SIK3: variants seen among roughly 807,000 people sequenced by gnomAD.
SIK3 encodes the protein serine/threonine-protein kinase SIK3.
A neutral mutation model predicts 144.2 loss-of-function variants in SIK3; 28 were observed. The ratio of observed to expected loss-of-function variants is 0.19; its 90% CI spans 0.14 to 0.27. The LOEUF (loss-of-function observed/expected upper bound fraction) is 0.27. Ranked by LOEUF, SIK3 falls within the 10% of genes least tolerant of loss-of-function variation. The pLI is 1.00. For missense variants in SIK3, 1,319 were observed against 1,776.0 expected, an observed-to-expected ratio of 0.74 and a Z score of 4.62; for synonymous variants, 686 against 676.3, an observed-to-expected ratio of 1.01 and a Z score of -0.22.
chr11:117,075,144 T>C (rs1281043445), intron 1 of SIK3, among the ~76,000 whole-genome samples: 1 of 152,204 alleles, frequency 6.6e-6, no homozygotes, highest in African/African-American at 2.4e-5. Flanking sequence ...TCTCAAGACA[T>C]ATAAGACACA....
At chr11:117,028,038 A>T (rs1952094594) in intron 1 of SIK3, among the ~76,000 whole-genome samples, 1 of 152,202 alleles carries the variant, frequency 6.6e-6, no homozygotes, top group South Asian at 2.1e-4. Flanking sequence ...TAAAATTTGC[A>T]GAATATTTAT....
rs191903144 is a variant in SIK3, at chr11:117,032,777, A to C, written c.273+65366T>G. The stretch of plus-strand genomic sequence containing the variant: ...ATCTGAGTAGTATTTTATTGTATGA[A>C]TATACCACCATTTATTTATCTGTTG... On this transcript the variant is annotated intron_variant, in intron 1 of 24. Coordinates refer to ENST00000445177, the MANE Select transcript of SIK3 (RefSeq NM_001366686.3). Among the ~76,000 whole-genome samples, 463 of 151,962 alleles carry C rather than the reference A, an allele frequency of 3.0e-3. 2 individuals carry two copies. Among genetic ancestry groups the C allele is most frequent in the African/African-American group, 0.011 (442 of 41,466 alleles).
At chr11:117,027,588 G>A (rs564161486) in intron 1 of SIK3, among the ~76,000 whole-genome samples, 18 of 152,022 alleles carry the variant, frequency 1.2e-4, no homozygotes, top group East Asian at 1.9e-4. Flanking sequence ...TCAGCCTCCC[G>A]AGTAGCTGGG....
At chr11:116,949,124 T>C (rs545051340) in intron 3 of SIK3, among the ~76,000 whole-genome samples, 1 of 152,256 alleles carries the variant, frequency 6.6e-6, no homozygotes, top group African/African-American at 2.4e-5. Context: ...GAGAAATTTA[T>C]AGCTGTAAAA....
At chr11:116,891,872 A>G (rs1231671269) in intron 6 of SIK3, among the ~76,000 whole-genome samples, 3 of 152,190 alleles carry the variant, frequency 2.0e-5, no homozygotes, top group Admixed American at 6.6e-5. Flanking sequence ...AAGTGCCTAC[A>G]TGAATGGAGG....
intron 6 of SIK3, among the ~76,000 whole-genome samples, chr11:116,881,944 G>A (rs746312707): frequency 4.7e-5 from 7 of 150,424 alleles, no homozygotes; most frequent in Admixed American, 2.6e-4. Context: ...CAGATAATAA[G>A]AGGCCAAAGC....
chr11:116,861,764 A>G (rs1163248904), intron 18 of SIK3, 77 bp downstream of exon 18: 9 of 919,980 alleles, frequency 9.8e-6, no homozygotes, highest in Non-Finnish European at 1.4e-5. Flanking sequence ...AAGTCAGTCC[A>G]TATCTCCCAG....
chr11:116,979,748 G>C (rs144690823), intron 1 of SIK3, among the ~76,000 whole-genome samples: 6 of 152,246 alleles, frequency 3.9e-5, no homozygotes, highest in Admixed American at 1.3e-4. Context: ...TTGGGAGGCT[G>C]AAGCAGGAGA....
intron 1 of SIK3, among the ~76,000 whole-genome samples, chr11:117,062,268 T>C (rs143824648): frequency 6.6e-6 from 1 of 152,318 alleles, no homozygotes; most frequent in Non-Finnish European, 1.5e-5. Flanking sequence ...ATATTTTCAG[T>C]AGGAATTACA....
At chr11:116,984,035 A>G (rs1253647693) in intron 1 of SIK3, among the ~76,000 whole-genome samples, 1 of 142,470 alleles carries the variant, frequency 7.0e-6, no homozygotes, top group East Asian at 2.1e-4. Context: ...TGGGTGACAG[A>G]GCAAGACCCT....
intron 1 of SIK3, among the ~76,000 whole-genome samples, chr11:116,995,402 T>G (rs1484460314): frequency 1.3e-5 from 2 of 151,766 alleles, no homozygotes; most frequent in African/African-American, 4.8e-5. Context: ...TAGCTAGGAC[T>G]ACAGGTGTGC....
At chr11:117,003,276 T>C (rs1350796969) in intron 1 of SIK3, among the ~76,000 whole-genome samples, 1 of 152,230 alleles carries the variant, frequency 6.6e-6, no homozygotes, top group Non-Finnish European at 1.5e-5. Context: ...AACTCTCACA[T>C]ACTTCTGTTC....
At chr11:117,053,352 AAGT>A (rs1357911225) in intron 1 of SIK3, among the ~76,000 whole-genome samples, 1 of 151,948 alleles carries the variant, frequency 6.6e-6, no homozygotes, top group African/African-American at 2.4e-5. Flanking sequence ...AAAAAAAAAA[AAGT>A]AAAGTGGCAA....
Position 116,873,533 on chromosome 11 carries a change from T to C in SIK3, c.1685A>G (p.Gln562Arg). Reference sequence around the variant, plus strand: ...TCCCCGTGGGCGCTTCAGCAGCTGCTGGGCATGCAGTTGGATGTTGGCTCC... The same window carrying C: ...TCCCCGTGGGCGCTTCAGCAGCTGCCGGGCATGCAGTTGGATGTTGGCTCC... ...DGGANIQLHAQQLLKRPRGPS... is the reference protein window; with the variant it reads ...DGGANIQLHARQLLKRPRGPS... Residue 562 changes from glutamine (Q) to arginine (R), a missense_variant, in exon 13 of 25, where the codon CAG becomes CGG. Gln to Arg is a conservative substitution (Grantham distance 43). This residue lies in a region of SIK3 where 167 missense variants were observed against 263.3 expected (regional missense o/e 0.63). Coordinates refer to ENST00000445177, the MANE Select transcript of SIK3 (RefSeq NM_001366686.3). 1 of 1,613,264 alleles carries C rather than the reference T, an allele frequency of 6.2e-7. No individual in the cohort carries two copies. Among genetic ancestry groups the C allele is most frequent in the East Asian group, 2.2e-5 (1 of 44,846 alleles).
chr11:116,980,583 T>C (rs890906061), intron 1 of SIK3, among the ~76,000 whole-genome samples: 30 of 152,210 alleles, frequency 2.0e-4, no homozygotes. Flanking sequence ...TCAGCTGAGG[T>C]GGCTCATGCC....
At chr11:116,968,604 ATAACAGAGT>A (rs1450768194) in intron 1 of SIK3, among the ~76,000 whole-genome samples, 1 of 152,252 alleles carries the variant, frequency 6.6e-6, no homozygotes, top group African/African-American at 2.4e-5. Flanking sequence ...TATGCTTAAT[ATAACAGAGT>A]TAACATTTAA....
chr11:117,005,336 GAAAAA>G (rs35279676), intron 1 of SIK3, among the ~76,000 whole-genome samples: 4 of 55,964 alleles, frequency 7.1e-5, no homozygotes, highest in African/African-American at 1.8e-4. Context: ...CCCCGTCTCA[GAAAAA>G]AAAAAAAAAA....
At chr11:117,040,022 T>G (rs1952670673) in intron 1 of SIK3, among the ~76,000 whole-genome samples, 1 of 152,172 alleles carries the variant, frequency 6.6e-6, no homozygotes, top group South Asian at 2.1e-4. Flanking sequence ...CCACCTGAAC[T>G]CTAGCTAATT....
At chr11:117,000,912 G>C (rs1288571984) in intron 1 of SIK3, among the ~76,000 whole-genome samples, 1 of 152,218 alleles carries the variant, frequency 6.6e-6, no homozygotes, top group Non-Finnish European at 1.5e-5. Flanking sequence ...CTAGGATAAA[G>C]AGAACTGACA....
Sources: allele counts gnomAD v4.1 joint callset (sites outside exome capture counted in the v4.1 genomes callset), GRCh38; gene constraint gnomAD v4.1.1; regional missense constraint gnomAD v4.1.1; transcripts MANE v1.5; gene names NCBI Gene and HGNC (gene_info 2026-07-23, HGNC 2026-07-21).